EGFL7: variants seen among roughly 807,000 people sequenced by gnomAD.
The protein encoded by EGFL7 is epidermal growth factor-like protein 7.
EGFL7 carries 48 observed loss-of-function variants against 37.1 expected under a neutral mutation model. That is an observed-to-expected ratio of 1.29 (90% confidence interval 1.03 to 1.65). The LOEUF is 1.65. EGFL7 is among the 40% of genes most tolerant of loss of function. The pLI, the probability that EGFL7 is intolerant of heterozygous loss-of-function variation, is 0.00. For missense variants in EGFL7, 384 were observed against 378.9 expected, an observed-to-expected ratio of 1.01 and a Z score of -0.11; for synonymous variants, 180 against 156.8, an observed-to-expected ratio of 1.15 and a Z score of -1.10.
chr9:136,664,617 CCCCTT>C (rs1489997781), intron 2 of EGFL7, 70 bp from the exon 3 acceptor site: 9 of 153,508 alleles, frequency 5.9e-5, no homozygotes, highest in African/African-American at 1.7e-4. Flanking sequence ...TGGTCCCGGG[CCCCTT>C]CCCAGCCCCC....
rs542067089 is a variant in EGFL7, at chr9:136,671,999, G to T, written c.710G>T (p.Gly237Val). 6.5e-7 allele frequency: 1 copy of T among 1,543,386 alleles called. No individual in the cohort carries two copies. Among genetic ancestry groups the T allele is most frequent in the Non-Finnish European group, 8.7e-7 (1 of 1,146,658 alleles). ...QALEHGLPDPGSLLVHSFQQL... is the reference protein window; with the variant it reads ...QALEHGLPDPVSLLVHSFQQL... Reference sequence around the variant, plus strand: ...CTGGAGCATGGGCTCCCGGACCCCGGCAGCCTCCTGGTGCACTCCTTCCAG... The same window carrying T: ...CTGGAGCATGGGCTCCCGGACCCCGTCAGCCTCCTGGTGCACTCCTTCCAG... Residue 237 changes from glycine to valine, a missense_variant, in exon 10 of 11, where the codon GGC (glycine) becomes GTC (valine). Gly to Val is a moderately radical substitution (Grantham distance 109). Transcript: ENST00000308874.
At chr9:136,659,573 C>A (rs1042555744), upstream of EGFL7, 1 of 152,530 alleles carries the variant, frequency 6.6e-6, no homozygotes, top group African/African-American at 2.4e-5. Flanking sequence ...CGGGAGGGCC[C>A]GGGGGGCTCT....
At chr9:136,668,869 C>G (rs1845654768) in intron 5 of EGFL7, among the ~76,000 whole-genome samples, 196 bp downstream of exon 5, 1 of 152,144 alleles carries the variant, frequency 6.6e-6, no homozygotes, top group African/African-American at 2.4e-5. Flanking sequence ...CTCCAGTGTC[C>G]TAATCCTTGC....
At chr9:136,662,481 C>T (rs2119070841), upstream of EGFL7, among the ~76,000 whole-genome samples, 1 of 151,558 alleles carries the variant, frequency 6.6e-6, no homozygotes, top group South Asian at 2.1e-4. Context: ...TGGGGCCCCT[C>T]CAAGCTCCCG....
At chr9:136,671,584 C>G (rs1845905040) in intron 9 of EGFL7, among the ~76,000 whole-genome samples, 1 of 151,592 alleles carries the variant, frequency 6.6e-6, no homozygotes, top group Admixed American at 6.6e-5. Flanking sequence ...AGACAATACA[C>G]AGAGCCTGGA....
At position 136,669,624 on chromosome 9, in the gene EGFL7, C is replaced by G; in HGVS notation, c.216C>G (p.Ala72=). 6.2e-7 allele frequency: 1 copy of G among 1,611,158 alleles called. No homozygotes were observed. The highest frequency in any genetic ancestry group is 8.5e-7 in the Non-Finnish European group (1 of 1,179,402). ...CCCACAGAACCATCTATAGGACCGCCTACCGCCGCAGCCCTGGGCTGGCCC... is the reference window on the plus strand; with the variant it reads ...CCCACAGAACCATCTATAGGACCGCGTACCGCCGCAGCCCTGGGCTGGCCC... ...CSTYRTIYRT[A]YRRSPGLAPA... is the part of the protein sequence containing the mutation. Residue 72 remains alanine, a synonymous_variant, in exon 6 of 11, where the codon GCC becomes GCG. Coordinates refer to ENST00000308874, the MANE Select transcript of EGFL7 (RefSeq NM_016215.5).
intron 3 of EGFL7, 98 bp from the exon 4 acceptor site, chr9:136,668,143 G>A (rs1024994047): frequency 2.8e-5 from 19 of 667,578 alleles, no homozygotes; most frequent in Admixed American, 5.7e-5. Context: ...AGGCTCCAGC[G>A]GAGATGAGCT....
intron 3 of EGFL7, among the ~76,000 whole-genome samples, chr9:136,667,001 C>T (rs1452532634): frequency 6.6e-6 from 1 of 152,158 alleles, no homozygotes; most frequent in South Asian, 2.1e-4. Context: ...CTCCTCTCTC[C>T]AGCGCACAGA....
At chr9:136,669,785 C>A in intron 6 of EGFL7, 64 bp downstream of exon 6, 1 of 1,458,144 alleles carries the variant, frequency 6.9e-7, no homozygotes, top group Admixed American at 2.1e-5. Flanking sequence ...CTTCCAGCAA[C>A]GCTCCTGCTG....
Position 136,669,683 on chromosome 9 carries a change from G to A in EGFL7, c.275G>A (p.Trp92Ter), listed in dbSNP as rs1328883405. Reference sequence around the variant, plus strand: ...CCTCGCTACGCGTGCTGCCCCGGCTGGAAGAGGACCAGCGGGCTTCCTGGG... The same window carrying A: ...CCTCGCTACGCGTGCTGCCCCGGCTAGAAGAGGACCAGCGGGCTTCCTGGG... ...ARPRYACCPG[W>*]KRTSGLPGAC... The change falls in exon 6 of 11, where the codon TGG (tryptophan) becomes TAG (stop). Residue 92 changes from tryptophan to a stop codon, truncating the protein, a stop_gained. Coordinates refer to ENST00000308874, the MANE Select transcript of EGFL7 (RefSeq NM_016215.5). LOFTEE classifies it high-confidence loss of function. 1.2e-6 allele frequency: 2 copies of A among 1,607,326 alleles called. No individual in the cohort carries two copies. Among genetic ancestry groups the A allele is most frequent in the Non-Finnish European group, 1.7e-6 (2 of 1,177,932 alleles).
intron 3 of EGFL7, chr9:136,665,807 C>T (rs1290963212): frequency 6.9e-6 from 1 of 145,332 alleles, no homozygotes; most frequent in Non-Finnish European, 1.5e-5. Flanking sequence ...GTGCGCGCCC[C>T]GGATCCGGCG....
In EGFL7 at chr9:136,671,815, G is replaced by A. The variant is rs376646954; in HGVS notation, c.637-111G>A. ...TAGTGGACACTTGGAGCCCTGCCGC[G>A]GAGGCGGGGGCTGGAGGCTTGTGGA... On this transcript the variant is annotated intron_variant, in intron 9 of 10. Transcript: ENST00000308874. 2.4e-4 allele frequency: 320 copies of A among 1,352,314 alleles called. No individual in the cohort carries two copies. The African/African-American group carries it at 3.8e-3, about 16-fold the overall frequency. 83.8% of individuals were successfully genotyped at this position (1,352,314 alleles called of 1,614,324 possible).
chr9:136,670,144 C>A, intron 7 of EGFL7, 25 bp from the exon 8 acceptor site: 1 of 1,612,430 alleles, frequency 6.2e-7, no homozygotes, highest in South Asian at 1.1e-5. Context: ...GCAGGCATGG[C>A]CGCCTGACAC....
upstream of EGFL7, among the ~76,000 whole-genome samples, chr9:136,661,059 G>C (rs900565891): frequency 1.4e-4 from 21 of 152,176 alleles, no homozygotes; most frequent in African/African-American, 4.3e-4. Context: ...CCTGGGATGG[G>C]GGCACAAGCC....
upstream of EGFL7, chr9:136,660,197 C>G (rs1047049025): frequency 1.3e-5 from 2 of 152,372 alleles, no homozygotes; most frequent in Non-Finnish European, 2.9e-5. Flanking sequence ...GCAGCCCCAA[C>G]CCCCTGGACC....
In EGFL7 at chr9:136,669,599, C is replaced by G; in HGVS notation, c.198-7C>G. ...TGCCCCTCTGAGCTGTCCCACCCAC[C>G]CCACAGAACCATCTATAGGACCGCC... On this transcript the variant is annotated splice_region_variant and splice_polypyrimidine_tract_variant and intron_variant, in intron 5 of 10. Transcript: ENST00000308874. 3 of 1,607,004 alleles carry G rather than the reference C, an allele frequency of 1.9e-6. No homozygotes were observed. Among genetic ancestry groups the G allele is most frequent in the Non-Finnish European group, 1.7e-6 (2 of 1,176,656 alleles).
Position 136,672,408 on chromosome 9 carries a change from CCTTCCTCCT to C in EGFL7, c.*133_*141del, listed in dbSNP as rs559669314. ...TGACTGAGCGGAAGGCCAGGCAGGG[CCTTCCTCCT>C]CTTCCTCCTCCCCTTCCTCGGGAGG... On this transcript the variant is annotated 3_prime_UTR_variant, in exon 11 of 11. Coordinates refer to ENST00000308874, the MANE Select transcript of EGFL7 (RefSeq NM_016215.5). 2.8e-5 allele frequency: 34 copies of C among 1,205,548 alleles called. No homozygotes were observed. Among genetic ancestry groups the C allele is most frequent in the Admixed American group, 1.7e-4 (9 of 52,526 alleles). 74.7% of individuals were successfully genotyped at this position (1,205,548 alleles called of 1,614,324 possible).
intron 3 of EGFL7, among the ~76,000 whole-genome samples, chr9:136,667,161 G>A (rs546767262): frequency 6.6e-6 from 1 of 152,316 alleles, no homozygotes; most frequent in Non-Finnish European, 1.5e-5. Flanking sequence ...ACTATTTATA[G>A]GACTGGCTGT....
At chr9:136,662,037 G>C (rs965595433), upstream of EGFL7, among the ~76,000 whole-genome samples, 6 of 147,400 alleles carry the variant, frequency 4.1e-5, no homozygotes, top group African/African-American at 1.5e-4. Context: ...ACAGTGGCTC[G>C]CTCGGCCTGA....
Sources: allele counts gnomAD v4.1 joint callset (sites outside exome capture counted in the v4.1 genomes callset), GRCh38; gene constraint gnomAD v4.1.1; transcripts MANE v1.5; gene names NCBI Gene and HGNC (gene_info 2026-07-23, HGNC 2026-07-21).